NRG3: variants seen among roughly 807,000 people sequenced by gnomAD.
NRG3 encodes the protein pro-neuregulin-3, membrane-bound isoform.
NRG3 carries 31 observed loss-of-function variants against 66.9 expected under a neutral mutation model. That is an observed-to-expected ratio of 0.46 (90% confidence interval 0.35 to 0.63). The LOEUF (loss-of-function observed/expected upper bound fraction) is 0.63. Among genes scored for constraint, NRG3 ranks in the 20% least tolerant of loss-of-function variants. The probability of loss-of-function intolerance (pLI) is 0.00; values close to 1 mark genes in which losing one functional copy is unlikely to be tolerated. For missense variants in NRG3, 910 were observed against 878.9 expected (o/e 1.04, Z -0.45); for synonymous variants, 393 against 359.4 (o/e 1.09, Z -1.06).
chr10:82,765,555 T>C (rs2059483056), intron 3 of NRG3, among the ~76,000 whole-genome samples: 1 of 152,096 alleles, frequency 6.6e-6, no homozygotes, highest in Non-Finnish European at 1.5e-5. Flanking sequence ...ATTAACACTA[T>C]TTTCCAGGAG....
Position 82,370,862 on chromosome 10 carries a change from AT to A in NRG3, c.953+12001del, listed in dbSNP as rs144639423. Among the ~76,000 whole-genome samples, 20 of 152,186 alleles carry A rather than the reference AT, an allele frequency of 1.3e-4. No individual in the cohort carries two copies. In the East Asian group the frequency reaches 3.7e-3, roughly 28 times the overall value. ...AGAGTAAATCTCTAAAAATATGTTT[AT>A]TTTTTTAATGCTCACAGCGATTCTG... On this transcript the variant is annotated intron_variant, in intron 2 of 8. Transcript: ENST00000372141.
chr10:82,880,887 C>T (rs1046742106), intron 4 of NRG3, among the ~76,000 whole-genome samples: 1 of 152,190 alleles, frequency 6.6e-6, no homozygotes, highest in Admixed American at 6.5e-5. Flanking sequence ...GCTGTAGGGC[C>T]ATGAGCACAG....
At chr10:82,363,182 A>G (rs886934982) in intron 2 of NRG3, among the ~76,000 whole-genome samples, 1 of 152,232 alleles carries the variant, frequency 6.6e-6, no homozygotes. Context: ...CAATAGGGAA[A>G]TTGACAAAGG....
chr10:82,351,141 G>A (rs1040341771), intron 1 of NRG3, among the ~76,000 whole-genome samples: 1 of 152,032 alleles, frequency 6.6e-6, no homozygotes, highest in Non-Finnish European at 1.5e-5. Flanking sequence ...AGATCTGCCC[G>A]CCTCGGCCTC....
In NRG3 at chr10:82,787,437, G is replaced by A. The variant is rs557851227; in HGVS notation, c.1027+48787G>A. Among the ~76,000 whole-genome samples the A allele has an allele frequency of 2.6e-5, 4 of 152,272 alleles. 1 individual carries two copies. The highest frequency in any genetic ancestry group is 9.6e-5 in the African/African-American group (4 of 41,550). ...AGAAAAGAACAATTATAATGTTTAG[G>A]TAAACAAGGAGGAGCCTTTGTAGTA... On this transcript the variant is annotated intron_variant, in intron 3 of 8. Transcript: ENST00000372141.
chr10:82,646,086 A>G (rs181301900), intron 2 of NRG3, among the ~76,000 whole-genome samples: 42 of 152,316 alleles, frequency 2.8e-4, no homozygotes, highest in Non-Finnish European at 4.7e-4. Context: ...TTTCCATGAC[A>G]AAGAATGAGA....
At chr10:82,053,054 A>T (rs1382239664) in intron 1 of NRG3, among the ~76,000 whole-genome samples, 1 of 146,442 alleles carries the variant, frequency 6.8e-6, no homozygotes, top group Non-Finnish European at 1.5e-5. Context: ...TATCAAATTA[A>T]TTATTCATCA....
chr10:81,939,533 T>C (rs1357703130), intron 1 of NRG3, among the ~76,000 whole-genome samples: 1 of 152,098 alleles, frequency 6.6e-6, no homozygotes, highest in Non-Finnish European at 1.5e-5. Context: ...CACTTTCTTC[T>C]AGGTTTCCCC....
intron 1 of NRG3, among the ~76,000 whole-genome samples, chr10:82,239,156 T>C (rs55862711): frequency 0.13 from 19,793 of 151,852 alleles, 1,363 homozygotes; most frequent in Non-Finnish European, 0.15. Flanking sequence ...TTAAATATTT[T>C]TGTATTGTAT....
At chr10:82,298,386 A>G (rs2080203022) in intron 1 of NRG3, among the ~76,000 whole-genome samples, 2 of 152,138 alleles carry the variant, frequency 1.3e-5, no homozygotes, top group South Asian at 2.1e-4. Flanking sequence ...TTAAAACTGA[A>G]TGAATGGATG....
chr10:82,372,685 C>T (rs1283073270), intron 2 of NRG3, among the ~76,000 whole-genome samples: 1 of 152,134 alleles, frequency 6.6e-6, no homozygotes, highest in Non-Finnish European at 1.5e-5. Context: ...CCTCCACCTC[C>T]CTGGGTCAAG....
intron 2 of NRG3, among the ~76,000 whole-genome samples, chr10:82,599,099 G>A (rs1565112444): frequency 6.6e-6 from 1 of 151,888 alleles, no homozygotes; most frequent in African/African-American, 2.4e-5. Flanking sequence ...GAAAACTGAA[G>A]GTCAGTAGGT....
intron 2 of NRG3, among the ~76,000 whole-genome samples, chr10:82,560,308 G>T (rs751378172): frequency 4.0e-5 from 6 of 151,162 alleles, no homozygotes; most frequent in Non-Finnish European, 5.9e-5. Flanking sequence ...ATTTTTTATT[G>T]TATCCAAGAA....
At chr10:82,524,985 T>G (rs1168409670) in intron 2 of NRG3, among the ~76,000 whole-genome samples, 1 of 151,900 alleles carries the variant, frequency 6.6e-6, no homozygotes, top group Non-Finnish European at 1.5e-5. Context: ...TGTTTACTAA[T>G]ATGTTAGAAA....
chr10:82,204,565 C>A (rs372071328), intron 1 of NRG3, among the ~76,000 whole-genome samples: 3 of 152,172 alleles, frequency 2.0e-5, no homozygotes, highest in Non-Finnish European at 4.4e-5. Flanking sequence ...AAGTGGCATT[C>A]GCTGTACAAC....
intron 1 of NRG3, among the ~76,000 whole-genome samples, chr10:82,154,933 A>G (rs542755576): frequency 6.6e-6 from 1 of 151,876 alleles, no homozygotes; most frequent in African/African-American, 2.4e-5. Flanking sequence ...TCTTTTATCC[A>G]TTCTAACAAC....
intron 3 of NRG3, among the ~76,000 whole-genome samples, chr10:82,817,594 A>G (rs960723047): frequency 6.6e-6 from 1 of 152,170 alleles, no homozygotes; most frequent in East Asian, 1.9e-4. Flanking sequence ...CTGGACTCTT[A>G]TCTCCATGAA....
At chr10:81,949,134 C>CA (rs1226837256) in intron 1 of NRG3, among the ~76,000 whole-genome samples, 2 of 152,100 alleles carry the variant, frequency 1.3e-5, no homozygotes, top group African/African-American at 2.4e-5. Flanking sequence ...GTCGACCACC[C>CA]ACATGGCAGA....
At chr10:82,479,792 T>A (rs1564970767) in intron 2 of NRG3, among the ~76,000 whole-genome samples, 1 of 148,860 alleles carries the variant, frequency 6.7e-6, no homozygotes, top group African/African-American at 2.5e-5. Context: ...ATGGTAAAAC[T>A]CCGTCTCTAC....
Sources: allele counts gnomAD v4.1 joint callset (sites outside exome capture counted in the v4.1 genomes callset), GRCh38; gene constraint gnomAD v4.1.1; transcripts MANE v1.5; gene names NCBI Gene and HGNC (gene_info 2026-07-23, HGNC 2026-07-21).